Variants in KAT6B observed in about 807,000 individuals in gnomAD.
KAT6B encodes histone acetyltransferase KAT6B.
In KAT6B, 10 loss-of-function variants were observed where a neutral mutation model predicts 187.5. The ratio of observed to expected loss-of-function variants is 0.05; its 90% CI spans 0.03 to 0.09. The LOEUF (loss-of-function observed/expected upper bound fraction) is 0.09, where lower values mean the gene tolerates loss of function less well. Among genes scored for constraint, KAT6B ranks in the 10% least tolerant of loss-of-function variants. The pLI, the probability that KAT6B is intolerant of heterozygous loss-of-function variation, is 1.00. For synonymous variants in KAT6B, 861 were observed against 926.8 expected, an observed-to-expected ratio of 0.93 and a Z score of 1.29; for missense variants, 1,952 against 2,558.9, an observed-to-expected ratio of 0.76 and a Z score of 5.12.
intron 3 of KAT6B, among the ~76,000 whole-genome samples, chr10:74,955,211 A>C (rs1840587565): frequency 6.6e-6 from 1 of 152,206 alleles, no homozygotes; most frequent in Non-Finnish European, 1.5e-5. Flanking sequence ...GGGGATAATG[A>C]GAAGAAAAAA....
chr10:74,901,473 C>G (rs1255518486), intron 3 of KAT6B, among the ~76,000 whole-genome samples: 4 of 152,182 alleles, frequency 2.6e-5, no homozygotes, highest in Non-Finnish European at 2.9e-5. Context: ...AAGTGATGTA[C>G]AGTAATTTCA....
At chr10:74,932,479 G>C (rs1306917729) in intron 3 of KAT6B, among the ~76,000 whole-genome samples, 2 of 151,592 alleles carry the variant, frequency 1.3e-5, no homozygotes, top group Non-Finnish European at 2.9e-5. Context: ...CATGCCTGGT[G>C]GATCAGTAAC....
intron 3 of KAT6B, among the ~76,000 whole-genome samples, chr10:74,871,635 C>T (rs145128603): frequency 4.1e-4 from 62 of 152,296 alleles, no homozygotes; most frequent in Middle Eastern, 3.4e-3. Context: ...AGTTTGAAAG[C>T]AGCCTGAGCA....
intron 3 of KAT6B, among the ~76,000 whole-genome samples, chr10:74,935,172 C>T (rs758096290): frequency 7.2e-5 from 11 of 152,174 alleles, no homozygotes; most frequent in Non-Finnish European, 1.5e-4. Context: ...TAACACAGTA[C>T]ATGGCATGTA....
At chr10:74,986,013 T>C (rs1842784540) in intron 12 of KAT6B, among the ~76,000 whole-genome samples, 1 of 152,040 alleles carries the variant, frequency 6.6e-6, no homozygotes, top group Non-Finnish European at 1.5e-5. Flanking sequence ...GCCACTGCAC[T>C]CCAGCCTGGC....
rs377300582 is a variant in KAT6B at position 75,028,870 on chromosome 10, A to G, written c.4046A>G (p.Lys1349Arg). The G allele has an allele frequency of 6.2e-6, 10 of 1,613,862 alleles. No homozygotes were observed. The highest frequency in any genetic ancestry group is 7.6e-6 in the Non-Finnish European group (9 of 1,179,964). ...GAAAAACCAGAAGATGATCTCATCA[A>G]ACCTGAGGAAGAGGAAGAGGAGGAG... ...PGEKPEDDLI[K>R]PEEEEEEEEE... Residue 1349 changes from lysine (K) to arginine (R), a missense_variant, in exon 18 of 18, where the codon AAA (lysine) becomes AGA (arginine). Physicochemically the swap from Lys to Arg is conservative, Grantham distance 26. Around this residue, in one of 9 missense-constraint regions of KAT6B, gnomAD observed 758 missense variants for 891.4 expected, o/e 0.85. Coordinates refer to ENST00000287239, the MANE Select transcript of KAT6B (RefSeq NM_012330.4).
chr10:74,910,403 A>ATAG (rs1295272647), intron 3 of KAT6B, among the ~76,000 whole-genome samples: 2 of 152,150 alleles, frequency 1.3e-5, no homozygotes, highest in African/African-American at 4.8e-5. Flanking sequence ...GGCATTTCCT[A>ATAG]TGTTGAAGTT....
intron 3 of KAT6B, among the ~76,000 whole-genome samples, chr10:74,946,816 G>A (rs556088625): frequency 6.6e-6 from 1 of 152,154 alleles, no homozygotes; most frequent in Non-Finnish European, 1.5e-5. Flanking sequence ...TGGGTTACCA[G>A]TGTATGCATT....
intron 3 of KAT6B, among the ~76,000 whole-genome samples, chr10:74,846,430 AT>A (rs922179318): frequency 2.0e-5 from 3 of 151,908 alleles, no homozygotes; most frequent in Non-Finnish European, 4.4e-5. Flanking sequence ...GTATATATAT[AT>A]TTTTGTTTTG....
At chr10:74,938,445 G>A (rs1178297142) in intron 3 of KAT6B, among the ~76,000 whole-genome samples, 3 of 152,024 alleles carry the variant, frequency 2.0e-5, no homozygotes, top group Admixed American at 2.0e-4. Context: ...AGATAGGGCA[G>A]GTAATTGGAA....
intron 1 of KAT6B, among the ~76,000 whole-genome samples, chr10:74,834,717 G>C (rs1669937600): frequency 7.0e-6 from 1 of 142,180 alleles, no homozygotes; most frequent in African/African-American, 3.1e-5. Context: ...GTAGGGTCTT[G>C]TTGTGTTGCC....
At chr10:74,850,018 A>C (rs1293546920) in intron 3 of KAT6B, among the ~76,000 whole-genome samples, 1 of 150,366 alleles carries the variant, frequency 6.7e-6, no homozygotes, top group African/African-American at 2.5e-5. Flanking sequence ...GCCTCACTGC[A>C]AGCTCCGCCT....
In KAT6B at chr10:74,948,112, A is replaced by G. The variant is rs547019346; in HGVS notation, c.622-11858A>G. 1.1e-4 allele frequency among the ~76,000 whole-genome samples: 17 copies of G among 152,306 alleles called. No homozygotes were observed. The South Asian group carries it at 1.2e-3, about 11-fold the overall frequency. On this transcript the variant is annotated intron_variant, in intron 3 of 17. Transcript: ENST00000287239. ...TTTCCTACTGCTTATGAATACTGCA[A>G]TTGAAAGGGTCAGAGGTAGTCTGAA...
At chr10:74,980,019 C>T (rs1208435869) in intron 10 of KAT6B, among the ~76,000 whole-genome samples, 3 of 152,122 alleles carry the variant, frequency 2.0e-5, no homozygotes, top group Non-Finnish European at 4.4e-5. Flanking sequence ...ATTAGCCAGA[C>T]GTGATAGGAC....
chr10:74,832,978 CAACA>C (rs1240692533), intron 1 of KAT6B, among the ~76,000 whole-genome samples: 1 of 151,148 alleles, frequency 6.6e-6, no homozygotes, highest in Non-Finnish European at 1.5e-5. Flanking sequence ...AAAACAACAA[CAACA>C]AACAAACAAT....
intron 16 of KAT6B, 38 bp downstream of exon 16, chr10:75,022,269 A>G (rs769876032): frequency 5.6e-6 from 9 of 1,607,494 alleles, no homozygotes; most frequent in African/African-American, 5.3e-5. Flanking sequence ...GTCGCGTTCA[A>G]TCAAATCTTA....
rs761606204 is a variant in KAT6B, at chr10:74,843,309, G to A, written c.452G>A (p.Arg151Gln). Residue 151 changes from arginine to glutamine, a missense_variant, in exon 3 of 18, where the codon CGG becomes CAG. Arg to Gln is a conservative substitution (Grantham distance 43). Around this residue, in one of 9 missense-constraint regions of KAT6B, gnomAD observed 218 missense variants for 282.6 expected, o/e 0.77. Coordinates refer to ENST00000287239, the MANE Select transcript of KAT6B (RefSeq NM_012330.4). ...STTNNPAFQQ[R>Q]LRLGAKRAVN... Reference sequence around the variant, plus strand: ...ACCAACAACCCAGCCTTTCAGCAGCGGCTGCGACTGGGGGCCAAACGCGCT... The same window carrying A: ...ACCAACAACCCAGCCTTTCAGCAGCAGCTGCGACTGGGGGCCAAACGCGCT... 1.9e-5 allele frequency: 30 copies of A among 1,613,526 alleles called. 1 individual carries two copies. The highest frequency in any genetic ancestry group is 1.8e-5 in the Non-Finnish European group (21 of 1,179,822).
In KAT6B at chr10:74,976,159, A is replaced by AT. The variant is rs1298659489; in HGVS notation, c.1823dup (p.Met608IlefsTer3). On this transcript the variant is annotated frameshift_variant, in exon 8 of 18. Transcript: ENST00000287239. LOFTEE classifies it high-confidence loss of function. ...TCACTCCTCCTCCTCTAGCTGGGGG[A>AT]TGGCTAGAGGAAGTATTTTTAAAGC... is the stretch of plus-strand genomic sequence containing the variant. 1 of 1,614,100 alleles carries AT rather than the reference A, an allele frequency of 6.2e-7. No individual in the cohort carries two copies.
intron 3 of KAT6B, among the ~76,000 whole-genome samples, chr10:74,898,925 T>C (rs1171819002): frequency 6.8e-6 from 1 of 148,116 alleles, no homozygotes; most frequent in Admixed American, 6.8e-5. Context: ...CTGAGGTGGG[T>C]GGATCACTTG....
Sources: gnomAD v4.1 joint callset for allele counts (sites outside exome capture counted in the v4.1 genomes callset) on GRCh38, gnomAD v4.1.1 for gene constraint, gnomAD v4.1.1 regional missense constraint, MANE v1.5 for transcripts, NCBI Gene and HGNC (gene_info 2026-07-23, HGNC 2026-07-21) for gene names.